The following NF1 variants were observed in gnomAD, a reference collection of about 807,000 sequenced individuals.
The protein encoded by NF1 is neurofibromin.
A neutral mutation model predicts 325.7 loss-of-function variants in NF1; 122 were observed. The observed-to-expected ratio is 0.37, with a 90% confidence interval of 0.32 to 0.44. The LOEUF (loss-of-function observed/expected upper bound fraction) is 0.44. NF1 is among the 20% of genes least tolerant of loss of function. NF1 has a pLI of 1.00. For missense variants in NF1, 2,140 were observed against 3,415.4 expected (o/e 0.63, Z 9.31); for synonymous variants, 1,091 against 1,186.0 (o/e 0.92, Z 1.65).
intron 1 of NF1, among the ~76,000 whole-genome samples, chr17:31,126,146 C>T (rs897110062): frequency 1.3e-5 from 2 of 152,044 alleles, no homozygotes. Context: ...TGACATCTTG[C>T]CATTGCACTC....
At chr17:31,355,079 G>T (rs1334702868) in intron 51 of NF1, among the ~76,000 whole-genome samples, 2 of 152,152 alleles carry the variant, frequency 1.3e-5, no homozygotes, top group Non-Finnish European at 2.9e-5. Flanking sequence ...TAAACCACAA[G>T]ATGTACCTGG....
At chr17:31,113,810 G>C (rs150552206) in intron 1 of NF1, among the ~76,000 whole-genome samples, 8 of 152,164 alleles carry the variant, frequency 5.3e-5, no homozygotes, top group Non-Finnish European at 1.0e-4. Flanking sequence ...CCTTTATACA[G>C]ATATTTCATC....
chr17:31,163,356 C>T lies in NF1; in HGVS notation c.459C>T (p.Val153=), dbSNP rs2143673716. 6.2e-7 allele frequency: 1 copy of T among 1,614,088 alleles called. No individual in the cohort carries two copies. The highest frequency in any genetic ancestry group is 8.5e-7 in the Non-Finnish European group (1 of 1,179,972). ...TCAGCTGCAACAACTTCAATGCAGTCTTTAGTCGCATTTCTACCAGGTTAG... is the reference window on the plus strand; with the variant it reads ...TCAGCTGCAACAACTTCAATGCAGTTTTTAGTCGCATTTCTACCAGGTTAG... ...FSLSCNNFNA[V]FSRISTRLQE... The change falls in exon 4 of 58, where the codon GTC becomes GTT. Residue 153 remains valine (V), a synonymous_variant. Transcript: ENST00000358273.
At position 31,218,554 on chromosome 17, in the gene NF1, CTTTCTTTTTTTTCTTT is replaced by C. The variant is rs564824658; in HGVS notation, c.1528-439_1528-424del. ...GTAATTCTAGAACTTTTTTTTCTTTCTTTCTTTTTTTTCTTTTTTCTTTTTTTCTTTTTTCCAGATG... is the reference window on the plus strand; with the variant it reads ...GTAATTCTAGAACTTTTTTTTCTTTCTTTCTTTTTTTCTTTTTTCCAGATG... On this transcript the variant is annotated intron_variant, in intron 13 of 57. Transcript: ENST00000358273. 4.5e-3 allele frequency among the ~76,000 whole-genome samples: 678 copies of C among 151,692 alleles called. 7 individuals are homozygous for C. The highest frequency in any genetic ancestry group is 0.016 in the African/African-American group (646 of 41,318).
chr17:31,296,492 C>T (rs1172701500), intron 36 of NF1: 2 of 710,360 alleles, frequency 2.8e-6, no homozygotes, highest in African/African-American at 3.5e-5. Flanking sequence ...AGCTCCCCTT[C>T]ATTTATAGTC....
At chr17:31,217,256 A>T (rs2066834039) in intron 13 of NF1, among the ~76,000 whole-genome samples, 1 of 152,120 alleles carries the variant, frequency 6.6e-6, no homozygotes, top group Non-Finnish European at 1.5e-5. Context: ...AATGGGGAAA[A>T]ATCTATAGTT....
chr17:31,155,419 G>A (rs1054344041), intron 1 of NF1, among the ~76,000 whole-genome samples: 7 of 152,078 alleles, frequency 4.6e-5, no homozygotes, highest in African/African-American at 1.7e-4. Context: ...TTATCTTACT[G>A]AGTGAGTCTT....
At position 31,357,104 on chromosome 17, in the gene NF1, C is replaced by T. The variant is rs2151582614; in HGVS notation, c.7869+14C>T. 1 of 1,612,836 alleles carries T rather than the reference C, an allele frequency of 6.2e-7. No individual in the cohort carries two copies. Among genetic ancestry groups the T allele is most frequent in the Non-Finnish European group, 8.5e-7 (1 of 1,179,928 alleles). On this transcript the variant is annotated intron_variant, in intron 53 of 57. Coordinates refer to ENST00000358273, the MANE Select transcript of NF1 (RefSeq NM_001042492.3). ...CTTACTGTTCTAGTAAGGATTTCCC[C>T]TTTTTGAGTCCCCCACCCTCAAATT...
intron 1 of NF1, among the ~76,000 whole-genome samples, chr17:31,140,486 G>C (rs963872683): frequency 6.6e-6 from 1 of 152,132 alleles, no homozygotes; most frequent in African/African-American, 2.4e-5. Flanking sequence ...CAAAAATTTC[G>C]TGTCAACTCT....
chr17:31,301,488 T>C (rs1417019828), intron 36 of NF1, among the ~76,000 whole-genome samples: 4 of 152,170 alleles, frequency 2.6e-5, no homozygotes, highest in African/African-American at 9.7e-5. Context: ...AGTGTTTTAG[T>C]TATAGGTTCC....
At chr17:31,218,674 C>T (rs1357061502) in intron 13 of NF1, among the ~76,000 whole-genome samples, 4 of 152,044 alleles carry the variant, frequency 2.6e-5, no homozygotes, top group Non-Finnish European at 4.4e-5. Flanking sequence ...CAGCTTCAAG[C>T]GATTCTCCTG....
chr17:31,229,819 T>C lies in NF1; in HGVS notation c.2851-16T>C, dbSNP rs17880825. Reference sequence around the variant, plus strand: ...GCATTGATGGCAAATCATTAATGTATTTGTTCTTTCTTTAGGTTTTATTGA... The same window carrying C: ...GCATTGATGGCAAATCATTAATGTACTTGTTCTTTCTTTAGGTTTTATTGA... On this transcript the variant is annotated splice_polypyrimidine_tract_variant and intron_variant, in intron 21 of 57. Coordinates refer to ENST00000358273, the MANE Select transcript of NF1 (RefSeq NM_001042492.3). 30,912 of 1,611,400 alleles carry C rather than the reference T, an allele frequency of 0.019. 348 individuals carry two copies. The highest frequency in any genetic ancestry group is 0.028 in the Middle Eastern group (122 of 4,424).
chr17:31,296,544 A>G (rs1393838592), intron 36 of NF1: 4 of 567,472 alleles, frequency 7.0e-6, no homozygotes, highest in Non-Finnish European at 1.3e-5. Context: ...GTAGAGAGAG[A>G]CTCTCTCCCT....
At chr17:31,157,971 A>G (rs189417949) in intron 2 of NF1, among the ~76,000 whole-genome samples, 3 of 152,266 alleles carry the variant, frequency 2.0e-5, no homozygotes, top group East Asian at 1.9e-4. Context: ...TCTCAAAAAA[A>G]AAAAGTTAAC....
chr17:31,196,123 ATAT>A (rs1467508170), intron 8 of NF1, among the ~76,000 whole-genome samples: 1 of 152,052 alleles, frequency 6.6e-6, no homozygotes, highest in Admixed American at 6.5e-5. Context: ...TATAAAGGTT[ATAT>A]TATATTTCCA....
Position 31,329,053 on chromosome 17 carries a change from C to T in NF1, c.5609+1214C>T, listed in dbSNP as rs993450735. ...CACTGGCACTGTAGTCCCAGCTACTCGGGAGGCTGAGGCGGGAGGACAGCT... is the reference window on the plus strand; with the variant it reads ...CACTGGCACTGTAGTCCCAGCTACTTGGGAGGCTGAGGCGGGAGGACAGCT... On this transcript the variant is annotated intron_variant, in intron 38 of 57. Transcript: ENST00000358273. Among the ~76,000 whole-genome samples the T allele has an allele frequency of 2.0e-5, 3 of 152,118 alleles. No individual in the cohort carries two copies. The East Asian group carries it at 5.8e-4, about 29-fold the overall frequency.
rs369826559 is a variant in NF1 at position 31,318,895 on chromosome 17, G to C, written c.4836-6925G>C. ...TTGAATAACTGAATCCCAGGAAGAA[G>C]TACTGTTAGCCCACAGACGGGTATA... is the stretch of plus-strand genomic sequence containing the variant. On this transcript the variant is annotated intron_variant, in intron 36 of 57. Coordinates refer to ENST00000358273, the MANE Select transcript of NF1 (RefSeq NM_001042492.3). The C allele has an allele frequency of 9.3e-6, 15 of 1,613,954 alleles. No individual in the cohort carries two copies. The highest frequency in any genetic ancestry group is 5.0e-5 in the Admixed American group (3 of 60,002).
chr17:31,305,021 T>C (rs2068674215), intron 36 of NF1: 1 of 1,614,062 alleles, frequency 6.2e-7, no homozygotes, highest in Non-Finnish European at 8.5e-7. Context: ...TAATTGTTTT[T>C]TTGTGGGGTT....
chr17:31,274,834 C>T (rs2067973284), intron 36 of NF1, among the ~76,000 whole-genome samples: 2 of 152,104 alleles, frequency 1.3e-5, no homozygotes, highest in South Asian at 2.1e-4. Flanking sequence ...ACTACACTTA[C>T]ACAACTCTTT....
Sources: allele counts gnomAD v4.1 joint callset (sites outside exome capture counted in the v4.1 genomes callset), GRCh38; gene constraint gnomAD v4.1.1; transcripts MANE v1.5; gene names NCBI Gene and HGNC (gene_info 2026-07-23, HGNC 2026-07-21).